The following LRRC15 variants were observed in gnomAD, a reference collection of about 807,000 sequenced individuals.
LRRC15 encodes the protein leucine rich repeat containing 15.
In LRRC15, 5 loss-of-function variants were observed where a neutral mutation model predicts 4.3. The observed-to-expected ratio is 1.16, with a 90% CI of 0.61 to 2.44. The LOEUF is 2.44. Among genes scored for constraint, LRRC15 ranks in the 30% most tolerant of loss-of-function variants. The pLI is 0.01. For missense variants in LRRC15, 769 were observed against 747.0 expected (o/e 1.03, Z -0.34); for synonymous variants, 337 against 323.2 (o/e 1.04, Z -0.46).
At chr3:194,365,843 C>T (rs1713759868) in intron 1 of LRRC15, among the ~76,000 whole-genome samples, 2 of 152,170 alleles carry the variant, frequency 1.3e-5, no homozygotes, top group Non-Finnish European at 2.9e-5. Context: ...CGCACACAGC[C>T]AATAGCCGTT....
rs1472450518 is a variant in LRRC15 at position 194,359,364 on chromosome 3, G to C, written c.1680C>G (p.Gly560=). The change falls in exon 2 of 2, where the codon GGC becomes GGG. Residue 560 remains glycine, a synonymous_variant. Coordinates refer to ENST00000347624, the MANE Select transcript of LRRC15 (RefSeq NM_130830.5). ...GGCTCCTCTTCTTGCAGCAGCAACA[G>C]CCGACGCAGGCAGCCAGGGAGCAGG... ...ALACSLAACV[G]CCCCKKRSQA... 1.2e-6 allele frequency: 2 copies of C among 1,613,900 alleles called. No homozygotes were observed. The highest frequency in any genetic ancestry group is 2.7e-5 in the African/African-American group (2 of 74,940).
At chr3:194,368,800 G>A (rs181686565) in intron 1 of LRRC15, among the ~76,000 whole-genome samples, 4 of 152,260 alleles carry the variant, frequency 2.6e-5, no homozygotes, top group Admixed American at 1.3e-4. Flanking sequence ...TGAAAGCTCT[G>A]GTTTTCCACA....
chr3:194,365,943 G>A (rs1713761396), intron 1 of LRRC15, among the ~76,000 whole-genome samples: 1 of 152,204 alleles, frequency 6.6e-6, no homozygotes, highest in African/African-American at 2.4e-5. Flanking sequence ...CCCAGAGAGG[G>A]GCTGTCTCTC....
chr3:194,369,715 G>C lies in LRRC15; in HGVS notation c.-58C>G, dbSNP rs1357466714. On this transcript the variant is annotated 5_prime_UTR_variant, in exon 1 of 2. Coordinates refer to ENST00000347624, the MANE Select transcript of LRRC15 (RefSeq NM_130830.5). ...AAGAGGGAGCCTGAGAGGAGGACGA[G>C]GGACGGCTCAAGGCTGCAGCATGAG... 2.6e-5 allele frequency: 4 copies of C among 152,376 alleles called. No homozygotes were observed. The highest frequency in any genetic ancestry group is 5.9e-5 in the Non-Finnish European group (4 of 68,190). The allele number at this position is 152,376 out of a possible 1,614,324, so 9.4% of individuals were successfully genotyped here.
At position 194,360,826 on chromosome 3, in the gene LRRC15, A is replaced by G; in HGVS notation, c.218T>C (p.Phe73Ser). Residue 73 changes from phenylalanine to serine, a missense_variant, in exon 2 of 2, where the codon TTC becomes TCC. By Grantham distance (155) the Phe-to-Ser change is radical (BLOSUM62 -2). Transcript: ENST00000347624. ...THITELNESP[F>S]LNISALIALR... ...GGCGATGAGGGCTGAGATATTGAGG[A>G]ACGGGGACTCATTGAGTTCAGTGAT... 1.9e-6 allele frequency: 3 copies of G among 1,614,078 alleles called. No homozygotes were observed. The South Asian group carries it at 3.3e-5, about 18-fold the overall frequency.
chr3:194,362,284 G>T (rs1178797946), intron 1 of LRRC15, among the ~76,000 whole-genome samples: 1 of 152,130 alleles, frequency 6.6e-6, no homozygotes, highest in East Asian at 1.9e-4. Flanking sequence ...AGAGGGGATG[G>T]TAACTCCCGC....
rs138851418 is a variant in LRRC15 at position 194,359,606 on chromosome 3, C to A, written c.1438G>T (p.Glu480Ter). 1.2e-6 allele frequency: 2 copies of A among 1,613,548 alleles called. No homozygotes were observed. Among genetic ancestry groups the A allele is most frequent in the African/African-American group, 1.3e-5 (1 of 74,876 alleles). Residue 480 changes from glutamate to a stop codon, truncating the protein, a stop_gained, in exon 2 of 2, where the codon GAG (glutamate) becomes TAG (stop). Transcript: ENST00000347624. LOFTEE classifies it low-confidence loss of function (END_TRUNC). ...NVAVPSVHVP[E>*]VPSYPETPWY... ...GGTGTTTCTGGGTAACTAGGCACCT[C>A]GGGGACATGGACGCTTGGAACAGCA...
rs1477188181 is a variant in LRRC15 at position 194,356,385 on chromosome 3, CT to C, written c.*2912del. On this transcript the variant is annotated 3_prime_UTR_variant, in exon 2 of 2. Transcript: ENST00000347624. ...GAGGAAAACTGAACTCTGTACCCCA[CT>C]CCAGCTTTCTGGGGGACCAGCCGGC... The C allele has an allele frequency of 6.6e-6, 1 of 152,266 alleles. No individual in the cohort carries two copies. The highest frequency in any genetic ancestry group is 1.5e-5 in the Non-Finnish European group (1 of 68,054). The allele number at this position is 152,266 out of a possible 1,614,324, so 9.4% of individuals were successfully genotyped here. A position where few individuals can be genotyped will look rare whatever the true frequency, so the allele number is the denominator to read the frequency against.
In LRRC15 at chr3:194,360,033, G is replaced by A; in HGVS notation, c.1011C>T (p.Phe337=). 6.2e-7 allele frequency: 1 copy of A among 1,614,238 alleles called. No homozygotes were observed. Among genetic ancestry groups the A allele is most frequent in the Non-Finnish European group, 8.5e-7 (1 of 1,180,050 alleles). The change falls in exon 2 of 2, where the codon TTC becomes TTT. Residue 337 remains phenylalanine, a synonymous_variant. Transcript: ENST00000347624. ...NQISFISPGA[F]NGLTELRELS... ...GCTCCCGAAGCTCCGTTAGCCCGTT[G>A]AAGGCACCCGGGGAGATGAAGCTGA...
At position 194,360,002 on chromosome 3, in the gene LRRC15, G is replaced by C. The variant is rs755358425; in HGVS notation, c.1042C>G (p.Leu348Val). ...AGGTCCTGCAGTGCGTTGGTGTGGAGGGACAGCTCCCGAAGCTCCGTTAGC... is the reference window on the plus strand; with the variant it reads ...AGGTCCTGCAGTGCGTTGGTGTGGACGGACAGCTCCCGAAGCTCCGTTAGC... ...NGLTELRELS[L>V]HTNALQDLDG... is the part of the protein sequence containing the mutation. Residue 348 changes from leucine to valine, a missense_variant, in exon 2 of 2, where the codon CTC becomes GTC. Coordinates refer to ENST00000347624, the MANE Select transcript of LRRC15 (RefSeq NM_130830.5). 9 of 1,614,240 alleles carry C rather than the reference G, an allele frequency of 5.6e-6. No homozygotes were observed. Among genetic ancestry groups the C allele is most frequent in the South Asian group, 1.1e-5 (1 of 91,084 alleles).
At chr3:194,362,846 C>T (rs1713668323) in intron 1 of LRRC15, among the ~76,000 whole-genome samples, 1 of 152,072 alleles carries the variant, frequency 6.6e-6, no homozygotes, top group Non-Finnish European at 1.5e-5. Flanking sequence ...CTAATTTGGC[C>T]TCAGCCCCGT....
intron 1 of LRRC15, among the ~76,000 whole-genome samples, chr3:194,365,344 G>A (rs149171202): frequency 1.3e-5 from 2 of 152,184 alleles, no homozygotes; most frequent in African/African-American, 4.8e-5. Context: ...CGTGACTCAC[G>A]AGCAAACGCG....
At position 194,360,825 on chromosome 3, in the gene LRRC15, G is replaced by A; in HGVS notation, c.219C>T (p.Phe73=). The A allele has an allele frequency of 6.2e-7, 1 of 1,614,080 alleles. No individual in the cohort carries two copies. Among genetic ancestry groups the A allele is most frequent in the Non-Finnish European group, 8.5e-7 (1 of 1,179,972 alleles). The part of the protein sequence containing the change: ...THITELNESP[F]LNISALIALR... ...GGGCGATGAGGGCTGAGATATTGAGGAACGGGGACTCATTGAGTTCAGTGA... is the reference window on the plus strand; with the variant it reads ...GGGCGATGAGGGCTGAGATATTGAGAAACGGGGACTCATTGAGTTCAGTGA... The change falls in exon 2 of 2, where the codon TTC becomes TTT. Residue 73 remains phenylalanine (F), a synonymous_variant. Coordinates refer to ENST00000347624, the MANE Select transcript of LRRC15 (RefSeq NM_130830.5).
Position 194,360,476 on chromosome 3 carries a change from G to A in LRRC15, c.568C>T (p.Pro190Ser), listed in dbSNP as rs764616523. ...LGKNSLTHIS[P>S]RVFQHLGNLQ... ...TTGCCCAGGTGCTGGAAGACCCTGG[G>A]TGAGATGTGGGTGAGGCTATTCTTG... Residue 190 changes from proline to serine, a missense_variant, in exon 2 of 2, where the codon CCC (proline) becomes TCC (serine). Coordinates refer to ENST00000347624, the MANE Select transcript of LRRC15 (RefSeq NM_130830.5). 5 of 1,614,048 alleles carry A rather than the reference G, an allele frequency of 3.1e-6. No individual in the cohort carries two copies. The Admixed American group carries it at 6.7e-5, about 22-fold the overall frequency.
chr3:194,368,562 A>G (rs1713847034), intron 1 of LRRC15, among the ~76,000 whole-genome samples: 1 of 152,128 alleles, frequency 6.6e-6, no homozygotes, highest in Non-Finnish European at 1.5e-5. Flanking sequence ...CCGTTAGAGC[A>G]CTTCTAAATT....
chr3:194,359,956 A>C lies in LRRC15; in HGVS notation c.1088T>G (p.Met363Arg). Residue 363 changes from methionine to arginine, a missense_variant, in exon 2 of 2, where the codon ATG becomes AGG. Coordinates refer to ENST00000347624, the MANE Select transcript of LRRC15 (RefSeq NM_130830.5). ...GGAGATGTTCTGCAGGTTGGCCAACATGCGGAAGACGTTCCCGTCCAGGTC... is the reference window on the plus strand; with the variant it reads ...GGAGATGTTCTGCAGGTTGGCCAACCTGCGGAAGACGTTCCCGTCCAGGTC... ...LQDLDGNVFRMLANLQNISLQ... is the reference protein window; with the variant it reads ...LQDLDGNVFRRLANLQNISLQ... 6.2e-7 allele frequency: 1 copy of C among 1,614,212 alleles called. No homozygotes were observed.
intron 1 of LRRC15, among the ~76,000 whole-genome samples, chr3:194,368,633 T>C (rs1041367202): frequency 6.6e-6 from 1 of 152,028 alleles, no homozygotes; most frequent in Admixed American, 6.6e-5. Context: ...GCATCCCAGA[T>C]AACCCCAAAG....
rs369755501 is a variant in LRRC15 at position 194,359,973 on chromosome 3, G to A, written c.1071C>T (p.Asp357=). 107 of 1,614,206 alleles carry A rather than the reference G, an allele frequency of 6.6e-5. No individual in the cohort carries two copies. Among genetic ancestry groups the A allele is most frequent in the Admixed American group, 1.7e-4 (10 of 60,022 alleles). ...SLHTNALQDL[D]GNVFRMLANL... is the part of the protein sequence containing the mutation. ...TGGCCAACATGCGGAAGACGTTCCC[G>A]TCCAGGTCCTGCAGTGCGTTGGTGT... Residue 357 remains aspartate (D), a synonymous_variant, in exon 2 of 2, where the codon GAC becomes GAT. Transcript: ENST00000347624.
In LRRC15 at chr3:194,360,382, A is replaced by G. The variant is rs1311106069; in HGVS notation, c.662T>C (p.Val221Ala). The change falls in exon 2 of 2, where the codon GTT becomes GCT. Residue 221 changes from valine (V) to alanine (A), a missense_variant. Coordinates refer to ENST00000347624, the MANE Select transcript of LRRC15 (RefSeq NM_130830.5). ...DIPMGTFDGL[V>A]NLQELALQQN... ...CTGCAGAGCCAGTTCCTGCAGGTTA[A>G]CAAGCCCATCAAAAGTGCCCATGGG... The G allele has an allele frequency of 2.5e-6, 4 of 1,614,152 alleles. No homozygotes were observed. The highest frequency in any genetic ancestry group is 1.7e-6 in the Non-Finnish European group (2 of 1,180,028).
Sources: gnomAD v4.1 joint callset for allele counts (sites outside exome capture counted in the v4.1 genomes callset) on GRCh38, gnomAD v4.1.1 for gene constraint, MANE v1.5 for transcripts, NCBI Gene and HGNC (gene_info 2026-07-23, HGNC 2026-07-21) for gene names.